The following ZIM2 variants were observed in gnomAD, a reference collection of about 807,000 sequenced individuals.
ZIM2 encodes the protein zinc finger protein 656.
A neutral mutation model predicts 38.6 loss-of-function variants in ZIM2; 14 were observed. The observed-to-expected ratio is 0.36, with a 90% CI of 0.24 to 0.57. The LOEUF is 0.57. Among genes scored for constraint, ZIM2 ranks in the 20% least tolerant of loss-of-function variants. ZIM2 has a pLI of 0.81. For missense variants in ZIM2, 680 were observed against 695.1 expected, an observed-to-expected ratio of 0.98 and a Z score of 0.24; for synonymous variants, 247 against 245.8, an observed-to-expected ratio of 1.00 and a Z score of -0.04.
chr19:56,779,446 T>G lies in ZIM2; in HGVS notation c.766A>C (p.Ile256Leu). ...LGHQFSKPDI[I>L]SRLEEEESYA... Reference sequence around the variant, plus strand: ...GATTCCTCCTCTTCCAGGCGTGAGATAATGTCAGGTTTAGAGAACTGGTGC... The same window carrying G: ...GATTCCTCCTCTTCCAGGCGTGAGAGAATGTCAGGTTTAGAGAACTGGTGC... Residue 256 changes from isoleucine to leucine, a missense_variant, in exon 12 of 13, where the codon ATC (isoleucine) becomes CTC (leucine). Ile to Leu is a conservative substitution (Grantham distance 5). Transcript: ENST00000629319. The G allele has an allele frequency of 6.2e-7, 1 of 1,613,918 alleles. No individual in the cohort carries two copies. The highest frequency in any genetic ancestry group is 8.5e-7 in the Non-Finnish European group (1 of 1,179,888).
chr19:56,774,777 A>G lies in ZIM2; in HGVS notation c.1588T>C (p.Cys530Arg), dbSNP rs1184149310. The G allele has an allele frequency of 5.0e-6, 8 of 1,614,106 alleles. No homozygotes were observed. Among genetic ancestry groups the G allele is most frequent in the Non-Finnish European group, 6.8e-6 (8 of 1,180,050 alleles). ...TQERPYQCQL[C>R]GKCFGRPSYL... ...GAGGGTCGGCCGAAACATTTCCCAC[A>G]TAGCTGACACTGGTAAGGCCTCTCT... The change falls in exon 13 of 13, where the codon TGT (cysteine) becomes CGT (arginine). Residue 530 changes from cysteine (C) to arginine (R), a missense_variant. Physicochemically the swap from Cys to Arg is radical, Grantham distance 180. Coordinates refer to ENST00000629319, the MANE Select transcript of ZIM2 (RefSeq NM_001387356.1).
intron 7 of ZIM2, 114 bp from the exon 8 acceptor site, chr19:56,818,816 C>A: frequency 8.2e-7 from 1 of 1,221,804 alleles, no homozygotes. Context: ...GAAGTGCTCA[C>A]GGTATTGGGG....
intron 4 of ZIM2, among the ~76,000 whole-genome samples, 184 bp from the exon 5 acceptor site, chr19:56,823,863 G>A (rs1157505669): frequency 3.3e-5 from 5 of 152,066 alleles, no homozygotes; most frequent in Non-Finnish European, 7.4e-5. Context: ...AAAACTGGGT[G>A]GGGGGAGCAT....
chr19:56,816,826 T>C, intron 9 of ZIM2: 1 of 1,614,170 alleles, frequency 6.2e-7, no homozygotes, highest in Non-Finnish European at 8.5e-7. Flanking sequence ...TTCCTCACAT[T>C]CCTGATTCTT....
chr19:56,784,263 A>G (rs918680996), intron 10 of ZIM2, among the ~76,000 whole-genome samples: 1 of 152,238 alleles, frequency 6.6e-6, no homozygotes, highest in Non-Finnish European at 1.5e-5. Context: ...TTTAGCATAG[A>G]GAGCAATCTC....
intron 8 of ZIM2, 123 bp downstream of exon 8, chr19:56,818,477 T>C: frequency 9.5e-7 from 1 of 1,053,774 alleles, no homozygotes; most frequent in Non-Finnish European, 1.4e-6. Context: ...TTTCAAAGAT[T>C]TCTTATTACC....
chr19:56,807,448 C>T (rs1414211626), intron 9 of ZIM2, among the ~76,000 whole-genome samples: 1 of 152,090 alleles, frequency 6.6e-6, no homozygotes, highest in Non-Finnish European at 1.5e-5. Context: ...GGATAGATTC[C>T]CTTGAAAATA....
intron 7 of ZIM2, 81 bp from the exon 8 acceptor site, chr19:56,818,783 G>A (rs2060212583): frequency 6.7e-7 from 1 of 1,489,586 alleles, no homozygotes; most frequent in East Asian, 2.3e-5. Context: ...CAACATGGGA[G>A]TTACATATAT....
intron 9 of ZIM2, among the ~76,000 whole-genome samples, chr19:56,790,290 A>G (rs1386895695): frequency 6.6e-6 from 1 of 152,178 alleles, no homozygotes; most frequent in Non-Finnish European, 1.5e-5. Flanking sequence ...TAATGACAAT[A>G]CCTATACAGT....
At chr19:56,777,451 AGCCTGGTGGACTT>A (rs1260098450) in intron 12 of ZIM2, among the ~76,000 whole-genome samples, 1 of 152,166 alleles carries the variant, frequency 6.6e-6, no homozygotes, top group Non-Finnish European at 1.5e-5. Flanking sequence ...CATCATCTTT[AGCCTGGTGGACTT>A]CAATGGCCTC....
chr19:56,793,749 T>C, intron 9 of ZIM2, among the ~76,000 whole-genome samples: 1 of 152,178 alleles, frequency 6.6e-6, no homozygotes, highest in East Asian at 1.9e-4. Context: ...AGTAGGATGA[T>C]ATATTTGTAT....
chr19:56,813,989 C>T (rs1030058878), intron 9 of ZIM2: 1 of 1,614,118 alleles, frequency 6.2e-7, no homozygotes, highest in Non-Finnish European at 8.5e-7. Flanking sequence ...TCAATTCCCA[C>T]ACCGTCAGGC....
At chr19:56,810,065 AAAGAGACT>A in intron 9 of ZIM2, 1 of 716,942 alleles carries the variant, frequency 1.4e-6, no homozygotes, top group Non-Finnish European at 1.7e-6. Context: ...AAAACAGACA[AAAGAGACT>A]GAGAAATATT....
intron 9 of ZIM2, chr19:56,815,206 T>C (rs865823612): frequency 3.7e-6 from 6 of 1,613,962 alleles, no homozygotes; most frequent in Middle Eastern, 1.6e-4. Flanking sequence ...CTCCTGACCA[T>C]GGGTCTCCTC....
At chr19:56,813,837 AG>A in intron 9 of ZIM2, 1 of 1,614,206 alleles carries the variant, frequency 6.2e-7, no homozygotes, top group Non-Finnish European at 8.5e-7. Context: ...AGGCATTTGC[AG>A]GCTCAAATAT....
At chr19:56,818,489 T>C (rs1479449130) in intron 8 of ZIM2, 111 bp downstream of exon 8, 4 of 1,157,312 alleles carry the variant, frequency 3.5e-6, no homozygotes, top group Non-Finnish European at 4.9e-6. Flanking sequence ...CTTATTACCC[T>C]TGAAGTCCAA....
intron 1 of ZIM2, among the ~76,000 whole-genome samples, chr19:56,838,074 T>A (rs1282473297): frequency 1.3e-5 from 2 of 152,188 alleles, no homozygotes; most frequent in Admixed American, 1.3e-4. Context: ...CAGTACACCG[T>A]GGCTGCCACC....
chr19:56,811,222 T>C, intron 9 of ZIM2: 1 of 967,128 alleles, frequency 1.0e-6, no homozygotes, highest in Middle Eastern at 5.3e-4. Context: ...TCAAGAAATT[T>C]AAGAAAATAA....
rs1007090760 is a variant in ZIM2, at chr19:56,826,432, T to C, written c.-195A>G. ...TTTCTGGAACTTCAGACCAAGCAGCTATCCACAGGAACAGAGTCAAAACAC... is the reference window on the plus strand; with the variant it reads ...TTTCTGGAACTTCAGACCAAGCAGCCATCCACAGGAACAGAGTCAAAACAC... On this transcript the variant is annotated 5_prime_UTR_variant, in exon 3 of 13. It adds an upstream start codon to the 5' untranslated region. Coordinates refer to ENST00000629319, the MANE Select transcript of ZIM2 (RefSeq NM_001387356.1). 2.6e-5 allele frequency: 4 copies of C among 152,230 alleles called. No individual in the cohort carries two copies. The highest frequency in any genetic ancestry group is 9.6e-5 in the African/African-American group (4 of 41,458). 9.4% of individuals were successfully genotyped at this position (152,230 alleles called of 1,614,324 possible). A position where few individuals can be genotyped will look rare whatever the true frequency, so the allele number is the denominator to read the frequency against.
Sources: gnomAD v4.1 joint callset for allele counts (sites outside exome capture counted in the v4.1 genomes callset) on GRCh38, gnomAD v4.1.1 for gene constraint, MANE v1.5 for transcripts, NCBI Gene and HGNC (gene_info 2026-07-23, HGNC 2026-07-21) for gene names.